Variants in ZEB1 observed in about 807,000 individuals in gnomAD.
ZEB1 encodes zinc finger E-box binding homeobox 1, also known as zinc finger E-box-binding homeobox 1.
ZEB1 carries 21 observed loss-of-function variants against 84.9 expected under a neutral mutation model. That is an observed-to-expected ratio of 0.25 (90% CI 0.18 to 0.36). ZEB1 has a LOEUF of 0.36. Among genes scored for constraint, ZEB1 ranks in the 10% least tolerant of loss-of-function variants. The pLI, the probability that ZEB1 is intolerant of heterozygous loss-of-function variation, is 1.00. For missense variants in ZEB1, 1,104 were observed against 1,330.2 expected, an observed-to-expected ratio of 0.83 and a Z score of 2.65; for synonymous variants, 420 against 471.1, an observed-to-expected ratio of 0.89 and a Z score of 1.41.
In ZEB1 at chr10:31,382,993, C is replaced by A. The variant is rs1376389445; in HGVS notation, c.58+63701C>A. On this transcript the variant is annotated intron_variant, in intron 1 of 8. Coordinates refer to ENST00000424869, the MANE Select transcript of ZEB1 (RefSeq NM_001174096.2). The stretch of plus-strand genomic sequence containing the variant: ...TTTGCAAGTAAGCAGTGCTAACAGA[C>A]CCTTTTGGGAAATAATGCAGTAATA... Among the ~76,000 whole-genome samples, 7 of 151,656 alleles carry A rather than the reference C, an allele frequency of 4.6e-5. No homozygotes were observed. In the East Asian group the frequency reaches 1.4e-3, roughly 29 times the overall value.
chr10:31,391,947 A>C (rs1007047831), intron 1 of ZEB1, among the ~76,000 whole-genome samples: 2 of 152,198 alleles, frequency 1.3e-5, no homozygotes, highest in Non-Finnish European at 2.9e-5. Flanking sequence ...GTCTAATGTG[A>C]TCATTTTACT....
At chr10:31,444,790 A>C (rs1409351281) in intron 1 of ZEB1, among the ~76,000 whole-genome samples, 2 of 151,592 alleles carry the variant, frequency 1.3e-5, no homozygotes, top group African/African-American at 4.8e-5. Flanking sequence ...TTTTGGTACC[A>C]GTACCATGCT....
chr10:31,335,771 A>G (rs1404711186), intron 1 of ZEB1, among the ~76,000 whole-genome samples: 1 of 152,144 alleles, frequency 6.6e-6, no homozygotes, highest in East Asian at 1.9e-4. Context: ...AAGTATAGCT[A>G]GTACAGTAAA....
At position 31,516,562 on chromosome 10, in the gene ZEB1, A is replaced by G. The variant is rs1378782009; in HGVS notation, c.793+1854A>G. 2.8e-5 allele frequency among the ~76,000 whole-genome samples: 4 copies of G among 144,806 alleles called. No individual in the cohort carries two copies. In the South Asian group the frequency reaches 6.3e-4, roughly 23 times the overall value. 95.0% of individuals were successfully genotyped at this position (144,806 alleles called of 152,430 possible). On this transcript the variant is annotated intron_variant, in intron 6 of 8. Coordinates refer to ENST00000424869, the MANE Select transcript of ZEB1 (RefSeq NM_001174096.2). ...AGTAAAAAAAAAAAAAAAAAAAAAA[A>G]AAAAAAAAAAAAAAAATCAGTTGCT...
At chr10:31,341,670 G>A (rs2039395791) in intron 1 of ZEB1, among the ~76,000 whole-genome samples, 1 of 152,138 alleles carries the variant, frequency 6.6e-6, no homozygotes, top group African/African-American at 2.4e-5. Flanking sequence ...AAGGGAAGGT[G>A]TGTGGGCTGA....
intron 1 of ZEB1, among the ~76,000 whole-genome samples, chr10:31,403,059 G>A (rs186099322): frequency 4.6e-5 from 7 of 152,128 alleles, no homozygotes; most frequent in Non-Finnish European, 8.8e-5. Context: ...TAATCTAGGA[G>A]AGGCTTACCA....
intron 2 of ZEB1, among the ~76,000 whole-genome samples, chr10:31,467,278 G>T (rs560499361): frequency 7.9e-5 from 12 of 152,264 alleles, no homozygotes; most frequent in African/African-American, 2.6e-4. Flanking sequence ...GCCACAAGGA[G>T]CCCAAAAGCC....
intron 1 of ZEB1, among the ~76,000 whole-genome samples, chr10:31,401,620 T>C (rs1319675577): frequency 6.6e-6 from 1 of 152,214 alleles, no homozygotes; most frequent in Non-Finnish European, 1.5e-5. Flanking sequence ...ACATTCTCTT[T>C]ATGCTCATGT....
At chr10:31,487,023 T>G (rs1186949556) in intron 2 of ZEB1, among the ~76,000 whole-genome samples, 2 of 151,424 alleles carry the variant, frequency 1.3e-5, no homozygotes, top group Non-Finnish European at 3.0e-5. Context: ...AGACTATTCT[T>G]TCTCTATTGA....
At chr10:31,453,609 A>T (rs2060850762) in intron 1 of ZEB1, among the ~76,000 whole-genome samples, 1 of 152,086 alleles carries the variant, frequency 6.6e-6, no homozygotes. Flanking sequence ...AATATGTGAA[A>T]GTTCTTGTAA....
At chr10:31,428,671 A>G (rs1450816536) in intron 1 of ZEB1, among the ~76,000 whole-genome samples, 2 of 151,986 alleles carry the variant, frequency 1.3e-5, no homozygotes, top group Non-Finnish European at 2.9e-5. Flanking sequence ...GTTTCCCACT[A>G]TTACTGTATG....
chr10:31,445,190 G>C (rs1292292062), intron 1 of ZEB1, among the ~76,000 whole-genome samples: 7 of 145,214 alleles, frequency 4.8e-5, no homozygotes, highest in African/African-American at 1.4e-4. Flanking sequence ...GTGAATGGGA[G>C]TTCACTCATG....
chr10:31,413,452 G>T (rs1327337735), intron 1 of ZEB1, among the ~76,000 whole-genome samples: 1 of 152,172 alleles, frequency 6.6e-6, no homozygotes, highest in South Asian at 2.1e-4. Context: ...AAAAGGAAGG[G>T]AATGTGTCAT....
intron 1 of ZEB1, among the ~76,000 whole-genome samples, chr10:31,451,285 C>T (rs534884114): frequency 2.6e-5 from 4 of 152,128 alleles, no homozygotes; most frequent in Admixed American, 6.5e-5. Flanking sequence ...TTGTAGTTAA[C>T]TCCATTTGCA....
chr10:31,500,080 G>C (rs993197373), intron 3 of ZEB1, among the ~76,000 whole-genome samples: 5 of 151,938 alleles, frequency 3.3e-5, no homozygotes, highest in African/African-American at 1.2e-4. Flanking sequence ...GAAAATATAA[G>C]ATGGAGATTG....
chr10:31,319,477 G>A, intron 1 of ZEB1, 185 bp downstream of exon 1: 2 of 624,556 alleles, frequency 3.2e-6, no homozygotes, highest in South Asian at 3.8e-5. Flanking sequence ...GAGCCGCGCC[G>A]CGGCCGCTCG....
chr10:31,436,918 G>A (rs11008495), intron 1 of ZEB1, among the ~76,000 whole-genome samples: 9,644 of 152,138 alleles, frequency 0.063, 762 homozygotes, highest in African/African-American at 0.18. Flanking sequence ...AAGAAAATGG[G>A]TAGTTAGTTT....
chr10:31,477,687 A>C (rs76910500), intron 2 of ZEB1, among the ~76,000 whole-genome samples: 2,318 of 152,190 alleles, frequency 0.015, 55 homozygotes, highest in African/African-American at 0.053. Context: ...GGAATAGAAC[A>C]AAGAACTCAT....
chr10:31,434,630 A>AT (rs1285964678), intron 1 of ZEB1, among the ~76,000 whole-genome samples: 1 of 152,180 alleles, frequency 6.6e-6, no homozygotes, highest in Non-Finnish European at 1.5e-5. Flanking sequence ...GAGTCAATAC[A>AT]TTTTTCATAA....
Sources: allele counts gnomAD v4.1 joint callset (sites outside exome capture counted in the v4.1 genomes callset), GRCh38; gene constraint gnomAD v4.1.1; transcripts MANE v1.5; gene names NCBI Gene and HGNC (gene_info 2026-07-23, HGNC 2026-07-21).